UTP6: variants seen among roughly 807,000 people sequenced by gnomAD.
UTP6 encodes the protein U3 small nucleolar RNA-associated protein 6 homolog.
In UTP6, 60 loss-of-function variants were observed where a neutral mutation model predicts 96.5. The ratio of observed to expected loss-of-function variants is 0.62; its 90% CI spans 0.51 to 0.77. The LOEUF is 0.77. Among genes scored for constraint, UTP6 ranks in the 30% least tolerant of loss-of-function variants. The pLI is 0.00. For synonymous variants in UTP6, 215 were observed against 240.1 expected, an observed-to-expected ratio of 0.90 and a Z score of 0.96; for missense variants, 637 against 706.5, an observed-to-expected ratio of 0.90 and a Z score of 1.12.
intron 18 of UTP6, among the ~76,000 whole-genome samples, chr17:31,864,799 T>A (rs1029086112): frequency 2.0e-5 from 3 of 151,960 alleles, no homozygotes; most frequent in Non-Finnish European, 1.5e-5. Flanking sequence ...CTTTTTTTTT[T>A]TTATTGTTTG....
In UTP6 at chr17:31,894,681, T is replaced by C; in HGVS notation, c.276A>G (p.Val92=). ...DEIENSIVHR[V]QGVFQRASAK... ...CTGAGGCACGCTGGAAAACACCTTG[T>C]ACCCGGTGTACAATAGAATTCTCAA... is the stretch of plus-strand genomic sequence containing the variant. Residue 92 remains valine (V), a synonymous_variant, in exon 4 of 19, where the codon GTA becomes GTG. Transcript: ENST00000261708. 4 of 1,611,582 alleles carry C rather than the reference T, an allele frequency of 2.5e-6. No homozygotes were observed. The highest frequency in any genetic ancestry group is 3.4e-6 in the Non-Finnish European group (4 of 1,178,724).
chr17:31,899,233 G>T (rs555168709), intron 2 of UTP6, among the ~76,000 whole-genome samples: 2 of 152,260 alleles, frequency 1.3e-5, no homozygotes, highest in African/African-American at 4.8e-5. Context: ...GGAGGTGGAA[G>T]CTACACTGAG....
chr17:31,867,337 G>A (rs574689664), intron 17 of UTP6, among the ~76,000 whole-genome samples: 4 of 151,544 alleles, frequency 2.6e-5, no homozygotes, highest in Non-Finnish European at 5.9e-5. Context: ...GCAAAACCCC[G>A]TCTCTATTGA....
intron 9 of UTP6, 21 bp from the exon 10 acceptor site, chr17:31,884,526 A>G: frequency 6.3e-7 from 1 of 1,597,034 alleles, no homozygotes; most frequent in Non-Finnish European, 8.6e-7. Flanking sequence ...AAAGCAGGGG[A>G]GGGGAAGTTT....
At chr17:31,876,323 C>G (rs1174931980) in intron 13 of UTP6, among the ~76,000 whole-genome samples, 1 of 148,632 alleles carries the variant, frequency 6.7e-6, no homozygotes, top group Non-Finnish European at 1.5e-5. Flanking sequence ...AGGCGTGAGC[C>G]ACCATGCCCA....
At chr17:31,895,544 G>GT (rs1480031146) in intron 2 of UTP6, among the ~76,000 whole-genome samples, 1 of 151,822 alleles carries the variant, frequency 6.6e-6, no homozygotes, top group Non-Finnish European at 1.5e-5. Context: ...GTTTTGTTTT[G>GT]TTTTTTTGAG....
intron 6 of UTP6, among the ~76,000 whole-genome samples, chr17:31,889,848 G>A (rs1911383993): frequency 6.6e-6 from 1 of 151,972 alleles, no homozygotes; most frequent in Non-Finnish European, 1.5e-5. Context: ...AAGCAGTTCG[G>A]ACAGACAGTT....
intron 8 of UTP6, 114 bp from the exon 9 acceptor site, chr17:31,886,175 T>A: frequency 1.2e-6 from 1 of 805,652 alleles, no homozygotes. Context: ...GTAAATCATG[T>A]CTCTCTCTCC....
intron 13 of UTP6, among the ~76,000 whole-genome samples, chr17:31,876,377 G>A (rs187399608): frequency 8.9e-5 from 13 of 146,756 alleles, no homozygotes; most frequent in Non-Finnish European, 1.3e-4. Flanking sequence ...AGGCATGGTG[G>A]CTCACGCCTG....
rs1304509988 is a variant in UTP6, at chr17:31,880,749, T to C, written c.791A>G (p.Gln264Arg). ...GAGAGGATCATCTGTGTGTAGAGCC[T>C]GAAGGCTGAAAAATACAATTTACTG... ...DLQKEIYDDL[Q>R]ALHTDDPLTW... Residue 264 changes from glutamine (Q) to arginine (R), a missense_variant, in exon 11 of 19, where the codon CAG becomes CGG. By Grantham distance (43) the Gln-to-Arg change is conservative. Coordinates refer to ENST00000261708, the MANE Select transcript of UTP6 (RefSeq NM_018428.3). 3.7e-6 allele frequency: 6 copies of C among 1,613,944 alleles called. No homozygotes were observed. In the South Asian group the frequency reaches 5.5e-5, roughly 15 times the overall value.
intron 7 of UTP6, chr17:31,888,235 T>C (rs757196395): frequency 6.6e-6 from 1 of 152,014 alleles, no homozygotes; most frequent in Non-Finnish European, 1.5e-5. Context: ...AGAGGGCTTC[T>C]TTGGAGAACC....
chr17:31,863,546 A>T, intron 18 of UTP6, 30 bp from the exon 19 acceptor site: 1 of 1,571,240 alleles, frequency 6.4e-7, no homozygotes, highest in South Asian at 1.2e-5. Flanking sequence ...CAATTAGATA[A>T]CTGACAGAGT....
intron 4 of UTP6, among the ~76,000 whole-genome samples, chr17:31,893,623 G>GGGA: frequency 6.6e-6 from 1 of 151,188 alleles, no homozygotes; most frequent in East Asian, 2.0e-4. Flanking sequence ...CCAGGTACTG[G>GGGA]GGAGGCTGAG....
intron 8 of UTP6, 122 bp from the exon 9 acceptor site, chr17:31,886,183 TCCGGG>T (rs1042140417): frequency 1.4e-6 from 1 of 722,596 alleles, no homozygotes; most frequent in Non-Finnish European, 2.3e-6. Context: ...TGTCTCTCTC[TCCGGG>T]CCAGTTCCCT....
intron 2 of UTP6, among the ~76,000 whole-genome samples, chr17:31,897,588 C>T (rs1166243248): frequency 1.3e-5 from 2 of 151,732 alleles, no homozygotes; most frequent in Non-Finnish European, 2.9e-5. Context: ...GCTAGGATTA[C>T]AGGCACCCAA....
intron 16 of UTP6, among the ~76,000 whole-genome samples, chr17:31,872,591 G>C (rs954099446): frequency 6.6e-6 from 1 of 150,598 alleles, no homozygotes; most frequent in African/African-American, 2.4e-5. Flanking sequence ...TGGGCGGACT[G>C]CTTGAGCCCA....
At chr17:31,880,194 T>C (rs1024660511) in intron 11 of UTP6, 3 of 221,420 alleles carry the variant, frequency 1.4e-5, no homozygotes, top group African/African-American at 6.8e-5. Context: ...CCAAGGCAAG[T>C]AGATCGCCTG....
intron 10 of UTP6, among the ~76,000 whole-genome samples, chr17:31,883,651 A>G (rs548814847): frequency 9.3e-5 from 14 of 150,944 alleles, no homozygotes; most frequent in Non-Finnish European, 1.9e-4. Context: ...TATTTCCCCC[A>G]GTAAGTGAAT....
chr17:31,876,450 G>A (rs1331315375), intron 13 of UTP6, among the ~76,000 whole-genome samples: 1 of 150,674 alleles, frequency 6.6e-6, no homozygotes, highest in Non-Finnish European at 1.5e-5. Context: ...TTCAAGACCA[G>A]CCTGACCAAC....
Sources: allele counts gnomAD v4.1 joint callset (sites outside exome capture counted in the v4.1 genomes callset), GRCh38; gene constraint gnomAD v4.1.1; transcripts MANE v1.5; gene names NCBI Gene and HGNC (gene_info 2026-07-23, HGNC 2026-07-21).